RNF125: variants seen among roughly 807,000 people sequenced by gnomAD.
RNF125 encodes the protein ring finger protein 125, also known as E3 ubiquitin-protein ligase RNF125.
RNF125 carries 21 observed loss-of-function variants against 26.0 expected under a neutral mutation model. That is an observed-to-expected ratio of 0.81 (90% CI 0.57 to 1.16). RNF125 has a LOEUF of 1.16. RNF125 is among the 50% of genes most tolerant of loss of function. The probability of loss-of-function intolerance (pLI) is 0.00; values close to 1 mark genes in which losing one functional copy is unlikely to be tolerated. For missense variants in RNF125, 270 were observed against 299.4 expected (o/e 0.90, Z 0.72); for synonymous variants, 95 against 109.2 (o/e 0.87, Z 0.81).
the RNF125 span, among the ~76,000 whole-genome samples, chr18:32,086,848 C>CA: frequency 2.0e-5 from 3 of 151,766 alleles, no homozygotes; most frequent in African/African-American, 7.3e-5. Context: ...GACAGGGTCC[C>CA]ACTATGTTGT....
At chr18:32,090,234 AGATTCT>A in the RNF125 span, among the ~76,000 whole-genome samples, 1 of 152,198 alleles carries the variant, frequency 6.6e-6, no homozygotes, top group African/African-American at 2.4e-5. Flanking sequence ...TGACAGAGTG[AGATTCT>A]GTCTCAAAAG....
chr18:32,076,081 G>A, downstream of RNF125: 1 of 682,802 alleles, frequency 1.5e-6, no homozygotes, highest in Non-Finnish European at 2.7e-6. Flanking sequence ...TAGCCTGCCT[G>A]TGAGGTTCAC....
intron 2 of RNF125, among the ~76,000 whole-genome samples, chr18:32,040,673 A>AT (rs1231193116): frequency 5.9e-5 from 9 of 152,290 alleles, no homozygotes; most frequent in African/African-American, 2.2e-4. Context: ...TTCTTCTGCC[A>AT]TTTTTTATAA....
At chr18:32,034,248 G>T (rs1227914373) in intron 1 of RNF125, among the ~76,000 whole-genome samples, 1 of 152,108 alleles carries the variant, frequency 6.6e-6, no homozygotes, top group Non-Finnish European at 1.5e-5. Context: ...CTTTGGAGAA[G>T]CAAGTTTAAC....
At chr18:32,059,237 A>G (rs2039413687) in intron 4 of RNF125, among the ~76,000 whole-genome samples, 1 of 152,054 alleles carries the variant, frequency 6.6e-6, no homozygotes, top group Non-Finnish European at 1.5e-5. Context: ...CATTCCCACC[A>G]CCCGTGTATG....
intron 1 of RNF125, among the ~76,000 whole-genome samples, chr18:32,029,276 T>C (rs2039069321): frequency 6.6e-6 from 1 of 152,110 alleles, no homozygotes; most frequent in Non-Finnish European, 1.5e-5. Context: ...TTATCTTCTA[T>C]TAGAAAGCTG....
At chr18:32,038,319 G>A (rs1339393871) in intron 2 of RNF125, among the ~76,000 whole-genome samples, 1 of 152,104 alleles carries the variant, frequency 6.6e-6, no homozygotes, top group African/African-American at 2.4e-5. Flanking sequence ...AAAGTGCTGG[G>A]ATTACAGGCG....
intron 4 of RNF125, among the ~76,000 whole-genome samples, chr18:32,055,039 G>C (rs2039366518): frequency 6.6e-6 from 1 of 152,132 alleles, no homozygotes. Flanking sequence ...GCTTACACCT[G>C]TAATCCCAGC....
intron 4 of RNF125, among the ~76,000 whole-genome samples, chr18:32,053,070 T>G (rs1361595591): frequency 6.6e-6 from 1 of 152,120 alleles, no homozygotes; most frequent in African/African-American, 2.4e-5. Flanking sequence ...TAGTAGAAAA[T>G]AGATGTCATT....
chr18:32,022,324 A>G (rs916485945), intron 1 of RNF125, among the ~76,000 whole-genome samples: 1 of 152,174 alleles, frequency 6.6e-6, no homozygotes, highest in Admixed American at 6.5e-5. Context: ...TGGCCCTTAC[A>G]GAGAGCTGGA....
In RNF125 at chr18:32,073,035, GT is replaced by G. The variant is rs2039546507; in HGVS notation, c.*4652del. The G allele has an allele frequency of 7.5e-6, 1 of 133,866 alleles. No individual in the cohort carries two copies. Among genetic ancestry groups the G allele is most frequent in the African/African-American group, 3.0e-5 (1 of 33,496 alleles). The allele number at this position is 133,866 out of a possible 1,614,324, so 8.3% of individuals were successfully genotyped here. A position where few individuals can be genotyped will look rare whatever the true frequency, so the allele number is the denominator to read the frequency against. On this transcript the variant is annotated 3_prime_UTR_variant, in exon 6 of 6. Coordinates refer to ENST00000217740, the MANE Select transcript of RNF125 (RefSeq NM_017831.4). ...AATTTGCATTTTTCCAACATTGAAG[GT>G]ATTTTAAAAAGTCACTAAGAGATTC... is the stretch of plus-strand genomic sequence containing the variant.
intron 2 of RNF125, among the ~76,000 whole-genome samples, chr18:32,041,363 A>C (rs1159775411): frequency 1.3e-5 from 2 of 152,142 alleles, no homozygotes; most frequent in African/African-American, 2.4e-5. Flanking sequence ...CATGGTATTT[A>C]TATCTTTCCC....
At position 32,022,733 on chromosome 18, in the gene RNF125, T is replaced by C. The variant is rs535324585; in HGVS notation, c.164+3706T>C. ...TTGCTCTGTCAGACCTTCGTAGGTG[T>C]CAGACTTTCAGTTAATAATTTCCTA... On this transcript the variant is annotated intron_variant, in intron 1 of 5. Transcript: ENST00000217740. Among the ~76,000 whole-genome samples, 50 of 152,268 alleles carry C rather than the reference T, an allele frequency of 3.3e-4. No individual in the cohort carries two copies. In the South Asian group the frequency reaches 0.01, roughly 31 times the overall value.
chr18:32,026,064 A>G (rs1011869373), intron 1 of RNF125, among the ~76,000 whole-genome samples: 1 of 136,168 alleles, frequency 7.3e-6, no homozygotes, highest in African/African-American at 2.7e-5. Flanking sequence ...TCTTAAAAAA[A>G]ACTTTTTTTT....
At chr18:32,088,764 T>C in the RNF125 span, among the ~76,000 whole-genome samples, 4 of 152,080 alleles carry the variant, frequency 2.6e-5, no homozygotes, top group Non-Finnish European at 4.4e-5. Context: ...CCTCCCAGAG[T>C]GCTGGGATTA....
chr18:32,063,532 A>G (rs866755504), intron 4 of RNF125, among the ~76,000 whole-genome samples: 4 of 152,198 alleles, frequency 2.6e-5, no homozygotes, highest in African/African-American at 9.7e-5. Flanking sequence ...ACAAAGTTAA[A>G]CATATACTTA....
At position 32,071,925 on chromosome 18, in the gene RNF125, C is replaced by T. The variant is rs1383803546; in HGVS notation, c.*3541C>T. The T allele has an allele frequency of 2.6e-5, 4 of 152,176 alleles. No individual in the cohort carries two copies. Among genetic ancestry groups the T allele is most frequent in the African/African-American group, 4.8e-5 (2 of 41,430 alleles). The allele number at this position is 152,176 out of a possible 1,614,324, so 9.4% of individuals were successfully genotyped here. Reference sequence around the variant, plus strand: ...TCTGGCTGGTTACAGTGGCTCACACCTATAATCCCAGCACTTTGGGAGGCT... The same window carrying T: ...TCTGGCTGGTTACAGTGGCTCACACTTATAATCCCAGCACTTTGGGAGGCT... On this transcript the variant is annotated 3_prime_UTR_variant, in exon 6 of 6. Transcript: ENST00000217740.
chr18:32,077,229 T>C (rs1382515099), downstream of RNF125, among the ~76,000 whole-genome samples: 3 of 152,064 alleles, frequency 2.0e-5, no homozygotes, highest in East Asian at 5.8e-4. Flanking sequence ...AGTAGAAGGA[T>C]TGCTTGGCCC....
chr18:32,085,054 G>A, the RNF125 span, among the ~76,000 whole-genome samples: 1 of 152,256 alleles, frequency 6.6e-6, no homozygotes, highest in African/African-American at 2.4e-5. Context: ...CCAGTTCCTT[G>A]TCTTTGGGAA....
Sources: gnomAD v4.1 joint callset for allele counts (sites outside exome capture counted in the v4.1 genomes callset) on GRCh38, gnomAD v4.1.1 for gene constraint, MANE v1.5 for transcripts, NCBI Gene and HGNC (gene_info 2026-07-23, HGNC 2026-07-21) for gene names.